MUC5B: variants seen among roughly 807,000 people sequenced by gnomAD.
MUC5B encodes the protein mucin 5B, oligomeric mucus/gel-forming.
MUC5B carries 116 observed loss-of-function variants against 376.9 expected under a neutral mutation model. The ratio of observed to expected loss-of-function variants is 0.31; its 90% CI spans 0.26 to 0.36. The LOEUF is 0.36. Ranked by LOEUF, MUC5B falls within the 10% of genes least tolerant of loss-of-function variation. The pLI is 1.00. For missense variants in MUC5B, 7,165 were observed against 7,769.9 expected (o/e 0.92, Z 2.93); for synonymous variants, 3,517 against 3,390.9 (o/e 1.04, Z -1.29).
Position 1,250,494 on chromosome 11 carries a change from A to G in MUC5B, c.13614A>G (p.Ser4538=), listed in dbSNP as rs1399298041. Residue 4538 remains serine, a synonymous_variant, in exon 31 of 49, where the codon TCA becomes TCG. Transcript: ENST00000529681. ...SSLGTTWTRL[S]QTTTPTATMS... ...TGGGCACCACCTGGACCCGCCTATC[A>G]CAGACCACCACACCCACGGCCACCA... The G allele has an allele frequency of 2.5e-6, 4 of 1,599,966 alleles. No homozygotes were observed. The highest frequency in any genetic ancestry group is 2.6e-6 in the Non-Finnish European group (3 of 1,169,722).
intron 1 of MUC5B, 150 bp from the exon 2 acceptor site, chr11:1,225,531 G>T: frequency 1.4e-6 from 1 of 698,856 alleles, no homozygotes; most frequent in Non-Finnish European, 2.4e-6. Context: ...GCCACAGTGT[G>T]TCGTGAGGGT....
intron 3 of MUC5B, 73 bp from the exon 4 acceptor site, chr11:1,226,542 G>T: frequency 6.6e-7 from 1 of 1,521,186 alleles, no homozygotes; most frequent in Non-Finnish European, 8.8e-7. Flanking sequence ...AAAAACCAGG[G>T]TGCCTCGGCC....
intron 18 of MUC5B, 58 bp downstream of exon 18, chr11:1,233,326 C>A: frequency 6.9e-7 from 1 of 1,453,882 alleles, no homozygotes; most frequent in Non-Finnish European, 9.1e-7. Context: ...ACTTCCCGCC[C>A]TCCCCGAAGG....
At chr11:1,232,618 C>T (rs747121385) in intron 16 of MUC5B, 26 bp from the exon 17 acceptor site, 37 of 1,600,492 alleles carry the variant, frequency 2.3e-5, no homozygotes, top group South Asian at 3.4e-5. Flanking sequence ...GGGTCCCTGA[C>T]GCCCCGATGC....
Position 1,245,906 on chromosome 11 carries a change from C to T in MUC5B, c.9026C>T (p.Thr3009Met), listed in dbSNP as rs748543740. 3.0e-5 allele frequency: 48 copies of T among 1,613,070 alleles called. 1 individual carries two copies. Among genetic ancestry groups the T allele is most frequent in the Admixed American group, 1.2e-4 (7 of 59,972 alleles). Residue 3009 changes from threonine to methionine, a missense_variant, in exon 31 of 49, where the codon ACG (threonine) becomes ATG (methionine). Physicochemically the swap from Thr to Met is moderately conservative, Grantham distance 81. Around this residue, in one of 31 missense-constraint regions of MUC5B, gnomAD observed 939 missense variants for 770.6 expected, o/e 1.22. Transcript: ENST00000529681. ...AATTTATTGSTAIPSSTPGTA... is the reference protein window; with the variant it reads ...AATTTATTGSMAIPSSTPGTA... Reference sequence around the variant, plus strand: ...ACTACGACCGCAACCACTGGATCCACGGCCATCCCGTCCTCCACCCCGGGA... The same window carrying T: ...ACTACGACCGCAACCACTGGATCCATGGCCATCCCGTCCTCCACCCCGGGA...
intron 3 of MUC5B, 99 bp downstream of exon 3, chr11:1,226,375 G>A (rs770362439): frequency 2.1e-5 from 30 of 1,436,240 alleles, no homozygotes; most frequent in Admixed American, 1.2e-4. Context: ...AGGTGGGGCC[G>A]TTGGGCCAGA....
rs1164808439 is a variant in MUC5B at position 1,258,752 on chromosome 11, A to T, written c.16594-190A>T. Among the ~76,000 whole-genome samples, 3 of 151,710 alleles carry T rather than the reference A, an allele frequency of 2.0e-5. No individual in the cohort carries two copies. Among genetic ancestry groups the T allele is most frequent in the Non-Finnish European group, 4.4e-5 (3 of 67,908 alleles). Reference sequence around the variant, plus strand: ...CCACATGGGGTCTCTGCCTGCCCAGATTCCCTGCCCACCTGTGGTCCCTGT... The same window carrying T: ...CCACATGGGGTCTCTGCCTGCCCAGTTTCCCTGCCCACCTGTGGTCCCTGT... On this transcript the variant is annotated intron_variant, in intron 43 of 48. Coordinates refer to ENST00000529681, the MANE Select transcript of MUC5B (RefSeq NM_002458.3). This position sits in a 1 kb window ranked among gnomAD's most constrained non-coding sequence, Gnocchi z 5.5.
chr11:1,233,668 G>A (rs1486492664), intron 18 of MUC5B, 125 bp from the exon 19 acceptor site: 22 of 898,314 alleles, frequency 2.4e-5, no homozygotes, highest in African/African-American at 5.0e-5. Context: ...AGCAGGCACC[G>A]TCTGGCCTTA....
In MUC5B at chr11:1,249,929, C is replaced by T. The variant is rs1411175046; in HGVS notation, c.13049C>T (p.Thr4350Ile). The part of the protein sequence containing the change: ...QTTTPVATMS[T>I]IHPSSTPETT... The stretch of plus-strand genomic sequence containing the variant: ...ACCACACCCGTGGCCACCATGTCCA[C>T]AATCCACCCCTCCTCCACTCCGGAG... Residue 4350 changes from threonine to isoleucine, a missense_variant, in exon 31 of 49, where the codon ACA becomes ATA. Physicochemically the swap from Thr to Ile is moderately conservative, Grantham distance 89. Coordinates refer to ENST00000529681, the MANE Select transcript of MUC5B (RefSeq NM_002458.3). 10 of 1,613,440 alleles carry T rather than the reference C, an allele frequency of 6.2e-6. No individual in the cohort carries two copies. The highest frequency in any genetic ancestry group is 1.3e-5 in the African/African-American group (1 of 74,784).
At chr11:1,230,640 G>A (rs1862006305) in intron 12 of MUC5B, 40 bp downstream of exon 12, 1 of 1,542,034 alleles carries the variant, frequency 6.5e-7, no homozygotes, top group Admixed American at 1.8e-5. Flanking sequence ...GACAGGAAGA[G>A]GCATGCGAAG....
At chr11:1,252,583 A>G in intron 32 of MUC5B, 59 bp downstream of exon 32, 1 of 1,447,330 alleles carries the variant, frequency 6.9e-7, no homozygotes. Context: ...GGTTGGCTGG[A>G]GGCACAGCCA....
chr11:1,232,395 CA>C, intron 15 of MUC5B, 54 bp from the exon 16 acceptor site: 1 of 1,532,370 alleles, frequency 6.5e-7, no homozygotes, highest in Non-Finnish European at 8.8e-7. Context: ...GCCTGCGTGT[CA>C]GGGGTGTGGG....
rs373667069 is a variant in MUC5B, at chr11:1,242,633, C to T, written c.5753C>T (p.Ala1918Val). The stretch of plus-strand genomic sequence containing the variant: ...CCGACCACAACAGCCACTACGACTG[C>T]GTCCACTGGATCCACGGCCACCCCG... ...TKPTTTATTTASTGSTATPTS... is the reference protein window; with the variant it reads ...TKPTTTATTTVSTGSTATPTS... The change falls in exon 31 of 49, where the codon GCG (alanine) becomes GTG (valine). Residue 1918 changes from alanine (A) to valine (V), a missense_variant. Ala to Val is a moderately conservative substitution (Grantham distance 64). Transcript: ENST00000529681. The T allele has an allele frequency of 5.0e-6, 8 of 1,613,662 alleles. No homozygotes were observed. The Admixed American group carries it at 6.7e-5, about 13-fold the overall frequency.
rs747588968 is a variant in MUC5B at position 1,248,459 on chromosome 11, C to G, written c.11579C>G (p.Ala3860Gly). ...ACCCCCTCTTCCACCCCAGGAACAG[C>G]TCACACTACCAAAGTGCCGACTACC... The part of the protein sequence containing the change: ...VATPSSTPGT[A>G]HTTKVPTTTT... The change falls in exon 31 of 49, where the codon GCT (alanine) becomes GGT (glycine). Residue 3860 changes from alanine (A) to glycine (G), a missense_variant. This residue lies in a region of MUC5B where 242 missense variants were observed against 199.0 expected (regional missense o/e 1.22). Coordinates refer to ENST00000529681, the MANE Select transcript of MUC5B (RefSeq NM_002458.3). 73 of 1,610,654 alleles carry G rather than the reference C, an allele frequency of 4.5e-5. 1 individual carries two copies. The highest frequency in any genetic ancestry group is 5.2e-5 in the Non-Finnish European group (61 of 1,178,092).
chr11:1,234,698 C>A lies in MUC5B; in HGVS notation c.2630+18C>A. 1.1e-6 allele frequency: 1 copy of A among 871,082 alleles called. No individual in the cohort carries two copies. The highest frequency in any genetic ancestry group is 3.3e-4 in the Middle Eastern group (1 of 3,048). The allele number at this position is 871,082 out of a possible 1,614,324, so 54.0% of individuals were successfully genotyped here. ...AACACCTGGTGGGTCGTGAGTCTCTCGGAGGCAGCAGGTGGGGAGGGCGGG... is the reference window on the plus strand; with the variant it reads ...AACACCTGGTGGGTCGTGAGTCTCTAGGAGGCAGCAGGTGGGGAGGGCGGG... On this transcript the variant is annotated intron_variant, in intron 21 of 48. Coordinates refer to ENST00000529681, the MANE Select transcript of MUC5B (RefSeq NM_002458.3). The surrounding 1 kb of genome is among the most constrained non-coding windows in gnomAD (Gnocchi z 6.3).
At position 1,261,535 on chromosome 11, in the gene MUC5B, C is replaced by T. The variant is rs1184698139; in HGVS notation, c.17216C>T (p.Pro5739Leu). The T allele has an allele frequency of 1.9e-6, 3 of 1,607,888 alleles. No homozygotes were observed. Among genetic ancestry groups the T allele is most frequent in the African/African-American group, 1.3e-5 (1 of 74,852 alleles). ...CACGTGGATGAGTGTGGCTGCACGC[C>T]CTTCTGTGTCCCTGCGCCCATGGCT... ...YTHVDECGCT[P>L]FCVPAPMAPP... is the part of the protein sequence containing the mutation. Residue 5739 changes from proline (P) to leucine (L), a missense_variant, in exon 49 of 49, where the codon CCC becomes CTC. By Grantham distance (98) the Pro-to-Leu change is moderately conservative. Coordinates refer to ENST00000529681, the MANE Select transcript of MUC5B (RefSeq NM_002458.3).
At chr11:1,225,569 CA>C in intron 1 of MUC5B, 111 bp from the exon 2 acceptor site, 1 of 957,314 alleles carries the variant, frequency 1.0e-6, no homozygotes, top group East Asian at 2.7e-5. Flanking sequence ...AGACCGCCAC[CA>C]AGGACCCCAC....
intron 28 of MUC5B, 34 bp from the exon 29 acceptor site, chr11:1,240,011 C>A (rs2133822141): frequency 6.3e-7 from 1 of 1,595,836 alleles, no homozygotes; most frequent in South Asian, 1.1e-5. Context: ...AGGCTGCCCC[C>A]CAGGCCCTCA....
At position 1,253,727 on chromosome 11, in the gene MUC5B, C is replaced by T. The variant is rs554381875; in HGVS notation, c.15218-365C>T. Among the ~76,000 whole-genome samples, 2 of 152,280 alleles carry T rather than the reference C, an allele frequency of 1.3e-5. No individual in the cohort carries two copies. The highest frequency in any genetic ancestry group is 4.8e-5 in the African/African-American group (2 of 41,534). On this transcript the variant is annotated intron_variant, in intron 33 of 48. Coordinates refer to ENST00000529681, the MANE Select transcript of MUC5B (RefSeq NM_002458.3). The surrounding 1 kb of genome is among the most constrained non-coding windows in gnomAD (Gnocchi z 4.3). ...TGCATCCCTCCGATCTCTGCCTCTG[C>T]CTCTCTGTGGCCTCCCCTCTCTGTG...
Sources: gnomAD v4.1 joint callset for allele counts (sites outside exome capture counted in the v4.1 genomes callset) on GRCh38, gnomAD v4.1.1 for gene constraint, gnomAD v4.1.1 regional missense constraint, Gnocchi (gnomAD v3.1) non-coding constraint, MANE v1.5 for transcripts, NCBI Gene and HGNC (gene_info 2026-07-23, HGNC 2026-07-21) for gene names.